Variants in FGF13 observed in about 807,000 individuals in gnomAD.
FGF13 encodes fibroblast growth factor homologous factor 2.
Under a neutral mutation model 19.5 loss-of-function variants are expected in FGF13, and 2 were observed. The observed-to-expected ratio is 0.10, with a 90% CI of 0.04 to 0.32. The LOEUF (loss-of-function observed/expected upper bound fraction) is 0.32. FGF13 is among the 10% of genes least tolerant of loss of function. The pLI is 1.00. For missense variants in FGF13, 113 were observed against 192.7 expected (o/e 0.59, Z 2.45); for synonymous variants, 72 against 76.9 (o/e 0.94, Z 0.33).
At chrX:139,063,316 T>G (rs1456144061) in intron 1 of FGF13, among the ~76,000 whole-genome samples, 2 of 111,777 alleles carry the variant, frequency 1.8e-5, no homozygotes, top group African/African-American at 6.5e-5. Flanking sequence ...GTCTACATGC[T>G]CTCTTACATT....
chrX:138,929,856 G>C (rs497328), intron 1 of FGF13, among the ~76,000 whole-genome samples: 110 of 2,376 alleles, frequency 0.046, 7 homozygotes, highest in South Asian at 0.11. Context: ...TGCCTTAGCT[G>C]TGTGTGTGTG....
At chrX:139,001,187 A>G (rs1310654004) in intron 1 of FGF13, among the ~76,000 whole-genome samples, 4 of 112,280 alleles carry the variant, frequency 3.6e-5, no homozygotes, top group Non-Finnish European at 5.6e-5. Context: ...AATTAACACC[A>G]GATGGATTAA....
chrX:139,015,572 A>C (rs185523847), intron 1 of FGF13, among the ~76,000 whole-genome samples: 59 of 111,682 alleles, frequency 5.3e-4, no homozygotes, highest in Non-Finnish European at 3.8e-5. Context: ...ACACCAAAAA[A>C]TGTAAAGATA....
intron 1 of FGF13, among the ~76,000 whole-genome samples, chrX:139,034,225 T>C (rs2092242844): frequency 9.0e-6 from 1 of 111,669 alleles, no homozygotes; most frequent in South Asian, 3.7e-4. Context: ...GAGACGGATG[T>C]TCACTAAGTA....
chrX:138,959,824 T>G (rs1467977640), intron 1 of FGF13, among the ~76,000 whole-genome samples: 2 of 111,874 alleles, frequency 1.8e-5, no homozygotes, highest in African/African-American at 6.5e-5. Context: ...GTCTGTTTTA[T>G]CAGAGACTAG....
chrX:139,185,511 C>T (rs1214405999), intron 1 of FGF13, among the ~76,000 whole-genome samples: 1 of 111,835 alleles, frequency 8.9e-6, no homozygotes, highest in Non-Finnish European at 1.9e-5. Flanking sequence ...TGTTCTGAAA[C>T]ATGAGAAGAC....
intron 3 of FGF13, among the ~76,000 whole-genome samples, chrX:138,644,369 C>A (rs911847223): frequency 2.7e-5 from 3 of 110,979 alleles, no homozygotes; most frequent in African/African-American, 9.9e-5. Flanking sequence ...CCTCCACCTC[C>A]CGGGTTCAAG....
chrX:138,889,779 AG>A (rs1177642250), intron 1 of FGF13, among the ~76,000 whole-genome samples: 2 of 111,862 alleles, frequency 1.8e-5, no homozygotes, highest in African/African-American at 3.3e-5. Flanking sequence ...AACAGAGAAA[AG>A]TCTGCCATGA....
chrX:139,165,064 A>G (rs1221215839), intron 1 of FGF13, among the ~76,000 whole-genome samples: 1 of 112,082 alleles, frequency 8.9e-6, no homozygotes, highest in Non-Finnish European at 1.9e-5. Flanking sequence ...CAATGCTGGT[A>G]GAAATATGGA....
At chrX:138,709,447 T>C (rs183842304) in intron 1 of FGF13, among the ~76,000 whole-genome samples, 6 of 112,006 alleles carry the variant, frequency 5.4e-5, no homozygotes. Context: ...TTAAGGAAAC[T>C]GTATTTGGAA....
intron 1 of FGF13, among the ~76,000 whole-genome samples, chrX:138,938,012 C>T (rs1323562782): frequency 9.0e-6 from 1 of 111,113 alleles, no homozygotes; most frequent in Non-Finnish European, 1.9e-5. Flanking sequence ...TGGGAAGAAG[C>T]CAATTAAAGA....
intron 1 of FGF13, among the ~76,000 whole-genome samples, chrX:139,046,145 G>T (rs771773501): frequency 1.9e-5 from 2 of 105,009 alleles, no homozygotes; most frequent in East Asian, 2.9e-4. Context: ...GCTTCTACGG[G>T]GGCCTCAGGA....
At chrX:138,731,511 T>C (rs1445017550) in intron 1 of FGF13, among the ~76,000 whole-genome samples, 2 of 108,584 alleles carry the variant, frequency 1.8e-5, no homozygotes, top group Non-Finnish European at 3.8e-5. Context: ...AAGTACAATA[T>C]ATCAAAACAA....
intron 1 of FGF13, among the ~76,000 whole-genome samples, chrX:138,873,596 C>A (rs940346361): frequency 1.1e-4 from 12 of 111,666 alleles, no homozygotes; most frequent in African/African-American, 3.3e-4. Context: ...ACCTCCCTGT[C>A]TTTTCCAGTG....
chrX:138,951,414 A>G (rs762268628), intron 1 of FGF13, among the ~76,000 whole-genome samples: 1 of 112,141 alleles, frequency 8.9e-6, no homozygotes, highest in Non-Finnish European at 1.9e-5. Context: ...TAAATTAGGC[A>G]TCATCAAAAT....
chrX:138,809,092 T>G (rs2090898809), intron 3 of FGF13, among the ~76,000 whole-genome samples: 1 of 112,089 alleles, frequency 8.9e-6, no homozygotes, highest in African/African-American at 3.2e-5. Context: ...CTAACTCATT[T>G]TATGAGGCCA....
At chrX:138,781,011 C>T (rs1262861547) in intron 3 of FGF13, among the ~76,000 whole-genome samples, 6 of 111,406 alleles carry the variant, frequency 5.4e-5, no homozygotes, top group African/African-American at 6.6e-5. Context: ...GATTAATAAT[C>T]GCACTCAAAA....
intron 3 of FGF13, among the ~76,000 whole-genome samples, chrX:138,672,043 G>T (rs1335146687): frequency 9.2e-6 from 1 of 108,569 alleles, no homozygotes; most frequent in Non-Finnish European, 1.9e-5. Flanking sequence ...GGTTTGTCAT[G>T]ATGTGAAGAA....
intron 3 of FGF13, among the ~76,000 whole-genome samples, chrX:138,799,678 A>G (rs2090812151): frequency 9.0e-6 from 1 of 110,623 alleles, no homozygotes; most frequent in African/African-American, 3.3e-5. Context: ...TCTCCCACTA[A>G]TATTGTGTGG....
Sources: gnomAD v4.1 joint callset for allele counts (sites outside exome capture counted in the v4.1 genomes callset) on GRCh38, gnomAD v4.1.1 for gene constraint, MANE v1.5 for transcripts, NCBI Gene and HGNC (gene_info 2026-07-23, HGNC 2026-07-21) for gene names.